The following GRM1 variants were observed in gnomAD, a reference collection of about 807,000 sequenced individuals.
GRM1 encodes the protein glutamate metabotropic receptor 1, also known as metabotropic glutamate receptor 1.
In GRM1, 33 loss-of-function variants were observed where a neutral mutation model predicts 90.9. The observed-to-expected ratio is 0.36, with a 90% CI of 0.28 to 0.49. GRM1 has a LOEUF of 0.49. Ranked by LOEUF, GRM1 falls within the 20% of genes least tolerant of loss-of-function variation. The pLI is 0.99. For missense variants in GRM1, 1,190 were observed against 1,534.3 expected, an observed-to-expected ratio of 0.78 and a Z score of 3.75; for synonymous variants, 700 against 613.2, an observed-to-expected ratio of 1.14 and a Z score of -2.09.
At chr6:146,415,062 G>A (rs115204402) in intron 7 of GRM1, among the ~76,000 whole-genome samples, 1,963 of 152,278 alleles carry the variant, frequency 0.013, 48 homozygotes, top group African/African-American at 0.045. Flanking sequence ...CTATAACAAA[G>A]CCATCCATAG....
intron 2 of GRM1, among the ~76,000 whole-genome samples, chr6:146,289,915 A>G (rs950008921): frequency 6.6e-6 from 1 of 152,220 alleles, no homozygotes; most frequent in African/African-American, 2.4e-5. Flanking sequence ...ACAAAATCAC[A>G]TAAGGATGTG....
chr6:146,154,794 T>G (rs1777462200), intron 1 of GRM1, among the ~76,000 whole-genome samples: 1 of 152,204 alleles, frequency 6.6e-6, no homozygotes, highest in Non-Finnish European at 1.5e-5. Flanking sequence ...TACTGCCAAA[T>G]TGTGCACCAA....
At chr6:146,351,948 C>T (rs1026420864) in intron 3 of GRM1, among the ~76,000 whole-genome samples, 1 of 152,124 alleles carries the variant, frequency 6.6e-6, no homozygotes, top group African/African-American at 2.4e-5. Context: ...GAGTTATTTC[C>T]ATTACTCCTT....
rs1778869036 is a variant in GRM1 at position 146,189,662 on chromosome 6, G to T, written c.950+30065G>T. Among the ~76,000 whole-genome samples the T allele has an allele frequency of 2.0e-5, 3 of 152,100 alleles. 1 individual carries two copies. In the South Asian group the frequency reaches 6.2e-4, roughly 32 times the overall value. On this transcript the variant is annotated intron_variant, in intron 2 of 7. Transcript: ENST00000282753. ...AAGATAGGCACTTGATTGCAGTGTT[G>T]TAATTAGTAGGAGAGTTAGGATTTA...
At chr6:146,196,316 C>A (rs6899461) in intron 2 of GRM1, among the ~76,000 whole-genome samples, 3 of 146,692 alleles carry the variant, frequency 2.0e-5, no homozygotes, top group African/African-American at 5.1e-5. Context: ...TTGACGGAGT[C>A]GCTCTCTGTC....
chr6:146,376,364 C>T (rs1260468798), intron 5 of GRM1, among the ~76,000 whole-genome samples: 1 of 151,940 alleles, frequency 6.6e-6, no homozygotes, highest in Admixed American at 6.6e-5. Context: ...CTATTACCAG[C>T]GAATTTTGTA....
chr6:146,057,715 C>G (rs1013910554), intron 1 of GRM1, among the ~76,000 whole-genome samples: 2 of 151,998 alleles, frequency 1.3e-5, no homozygotes, highest in African/African-American at 2.4e-5. Flanking sequence ...CCTTCTTTCC[C>G]CATTTTAAAC....
At chr6:146,137,765 C>T (rs1332194260) in intron 1 of GRM1, among the ~76,000 whole-genome samples, 5 of 152,124 alleles carry the variant, frequency 3.3e-5, no homozygotes, top group Non-Finnish European at 5.9e-5. Context: ...ATTTTAACAA[C>T]ATTAATTCTT....
At chr6:146,267,538 C>T (rs755879060) in intron 2 of GRM1, among the ~76,000 whole-genome samples, 2 of 151,786 alleles carry the variant, frequency 1.3e-5, no homozygotes, top group Non-Finnish European at 2.9e-5. Context: ...GAGAACCAGT[C>T]TGAGTCCCAA....
Position 146,159,610 on chromosome 6 carries a change from CT to C in GRM1, c.950+14del, listed in dbSNP as rs2128891046. 2 of 648,144 alleles carry C rather than the reference CT, an allele frequency of 3.1e-6. No homozygotes were observed. Among genetic ancestry groups the C allele is most frequent in the East Asian group, 5.4e-5 (1 of 18,574 alleles). 40.1% of individuals were successfully genotyped at this position (648,144 alleles called of 1,614,324 possible). On this transcript the variant is annotated intron_variant, in intron 2 of 7. Coordinates refer to ENST00000282753, the MANE Select transcript of GRM1 (RefSeq NM_001278064.2). ...CACTCATTGGAAGGTAAGTTTCTCT[CT>C]CTCTCTCTCTCTCTCTCTCTCTCTC...
Position 146,399,111 on chromosome 6 carries a change from A to T in GRM1, c.2072A>T (p.Lys691Met). 6.2e-7 allele frequency: 1 copy of T among 1,614,148 alleles called. No individual in the cohort carries two copies. The change falls in exon 7 of 8, where the codon AAG becomes ATG. Residue 691 changes from lysine (K) to methionine (M), a missense_variant. Transcript: ENST00000282753. This position sits in a 1 kb window ranked among gnomAD's most constrained non-coding sequence, Gnocchi z 5.4. Reference sequence around the variant, plus strand: ...GCACGCATCCTGGCTGGCAGCAAGAAGAAGATCTGCACCCGGAAGCCCAGG... The same window carrying T: ...GCACGCATCCTGGCTGGCAGCAAGATGAAGATCTGCACCCGGAAGCCCAGG... Reference protein sequence around the residue: ...RIARILAGSKKKICTRKPRFM... With the variant: ...RIARILAGSKMKICTRKPRFM...
At chr6:146,323,123 G>A (rs1204795735) in intron 3 of GRM1, among the ~76,000 whole-genome samples, 1 of 152,114 alleles carries the variant, frequency 6.6e-6, no homozygotes, top group Non-Finnish European at 1.5e-5. Flanking sequence ...ACCCAGTGAT[G>A]GGATGGCTGG....
intron 5 of GRM1, among the ~76,000 whole-genome samples, chr6:146,361,778 G>A (rs1239189776): frequency 4.6e-5 from 7 of 152,204 alleles, no homozygotes; most frequent in Admixed American, 4.6e-4. Context: ...GCTCAAAGCT[G>A]TTATCATCCC....
chr6:146,350,062 G>A (rs1756971962), intron 3 of GRM1, among the ~76,000 whole-genome samples: 2 of 152,128 alleles, frequency 1.3e-5, no homozygotes, highest in African/African-American at 2.4e-5. Flanking sequence ...CAAGTCATAA[G>A]TTCTATGATC....
intron 1 of GRM1, among the ~76,000 whole-genome samples, chr6:146,064,963 T>C (rs1479584392): frequency 4.6e-5 from 7 of 152,096 alleles, no homozygotes; most frequent in Admixed American, 3.9e-4. Flanking sequence ...TTTTACCTTA[T>C]TGAAGATAAT....
chr6:146,304,957 A>G (rs193128973), intron 3 of GRM1, 111 bp downstream of exon 3: 55 of 787,814 alleles, frequency 7.0e-5, no homozygotes, highest in East Asian at 6.7e-4. Context: ...CCAAAGACAA[A>G]ATTGCCATCT....
intron 1 of GRM1, among the ~76,000 whole-genome samples, chr6:146,138,237 A>G (rs1280537793): frequency 1.3e-5 from 2 of 152,024 alleles, no homozygotes; most frequent in Non-Finnish European, 2.9e-5. Flanking sequence ...TGTGTTCTAG[A>G]TCTTAGGGGA....
At chr6:146,139,025 T>C (rs1776736432) in intron 1 of GRM1, among the ~76,000 whole-genome samples, 1 of 152,110 alleles carries the variant, frequency 6.6e-6, no homozygotes, top group Admixed American at 6.5e-5. Flanking sequence ...ATGTTGTGTT[T>C]CCACTATCAT....
At chr6:146,341,415 A>G (rs566212045) in intron 3 of GRM1, among the ~76,000 whole-genome samples, 1 of 152,294 alleles carries the variant, frequency 6.6e-6, no homozygotes, top group African/African-American at 2.4e-5. Flanking sequence ...TTTTCTTGTA[A>G]TATTATAAAA....
Sources: allele counts gnomAD v4.1 joint callset (sites outside exome capture counted in the v4.1 genomes callset), GRCh38; gene constraint gnomAD v4.1.1; non-coding constraint Gnocchi (gnomAD v3.1); transcripts MANE v1.5; gene names NCBI Gene and HGNC (gene_info 2026-07-23, HGNC 2026-07-21).